Variants in NCOA6 observed in about 807,000 individuals in gnomAD.
NCOA6 encodes nuclear receptor coactivator 6, also known as NRC RAP250.
A neutral mutation model predicts 171.4 loss-of-function variants in NCOA6; 49 were observed. The ratio of observed to expected loss-of-function variants is 0.29; its 90% CI spans 0.23 to 0.36. NCOA6 has a LOEUF of 0.36. Ranked by LOEUF, NCOA6 falls within the 10% of genes least tolerant of loss-of-function variation. The pLI is 1.00. For missense variants in NCOA6, 2,248 were observed against 2,554.5 expected (o/e 0.88, Z 2.59); for synonymous variants, 910 against 927.5 (o/e 0.98, Z 0.34).
intron 1 of NCOA6, among the ~76,000 whole-genome samples, 178 bp downstream of exon 1, chr20:34,825,294 G>T (rs1230914670): frequency 6.6e-6 from 1 of 151,410 alleles, no homozygotes; most frequent in African/African-American, 2.4e-5. Flanking sequence ...GGGGACACAA[G>T]CGCGGCGGGC....
chr20:34,719,616 C>A (rs1371256210), intron 14 of NCOA6, among the ~76,000 whole-genome samples: 1 of 151,170 alleles, frequency 6.6e-6, no homozygotes, highest in Non-Finnish European at 1.5e-5. Flanking sequence ...GGGCGACAAT[C>A]CGAGACTGTC....
At chr20:34,761,805 GCCA>G (rs2076827437) in intron 5 of NCOA6, among the ~76,000 whole-genome samples, 1 of 151,946 alleles carries the variant, frequency 6.6e-6, no homozygotes, top group Non-Finnish European at 1.5e-5. Context: ...ACAGGCACAC[GCCA>G]CCATGCCTGG....
intron 3 of NCOA6, among the ~76,000 whole-genome samples, chr20:34,778,958 C>CAAAAA (rs57631874): frequency 1.5e-4 from 7 of 46,492 alleles, no homozygotes; most frequent in East Asian, 9.7e-4. Context: ...GACTCCGTTT[C>CAAAAA]AAAAAAAAAA....
Position 34,743,045 on chromosome 20 carries a change from G to C in NCOA6, c.3211C>G (p.Gln1071Glu), listed in dbSNP as rs377178757. The C allele has an allele frequency of 9.2e-5, 148 of 1,613,744 alleles. No homozygotes were observed. The highest frequency in any genetic ancestry group is 1.2e-4 in the Non-Finnish European group (141 of 1,179,788). The stretch of plus-strand genomic sequence containing the variant: ...ATGACAGGCACACTGCCACTCTGTT[G>C]CATGGGCATTCTCTGGGAGTCGGGG... ...LNPDSQRMPM[Q>E]QSGSVPVMVS... is the part of the protein sequence containing the mutation. The change falls in exon 11 of 15, where the codon CAA becomes GAA. Residue 1071 changes from glutamine (Q) to glutamate (E), a missense_variant. This residue lies in a region of NCOA6 where 352 missense variants were observed against 419.1 expected (regional missense o/e 0.84). Coordinates refer to ENST00000359003, the MANE Select transcript of NCOA6 (RefSeq NM_014071.5).
At chr20:34,758,618 A>G (rs945132350) in intron 6 of NCOA6, among the ~76,000 whole-genome samples, 187 bp downstream of exon 6, 1 of 152,244 alleles carries the variant, frequency 6.6e-6, no homozygotes. Flanking sequence ...AATTGATAAG[A>G]AAACAATGAG....
Position 34,742,207 on chromosome 20 carries a change from T to A in NCOA6, c.4049A>T (p.Lys1350Ile). The A allele has an allele frequency of 1.2e-6, 2 of 1,614,170 alleles. No homozygotes were observed. The highest frequency in any genetic ancestry group is 8.5e-7 in the Non-Finnish European group (1 of 1,180,030). ...TTPSPGRQNS[K>I]APKLTLASQT... The stretch of plus-strand genomic sequence containing the variant: ...AGAGGCCAGAGTAAGTTTAGGGGCT[T>A]TTGAATTTTGCCTCCCAGGGCTTGG... Residue 1350 changes from lysine to isoleucine, a missense_variant, in exon 11 of 15, where the codon AAA becomes ATA. Physicochemically the swap from Lys to Ile is moderately radical, Grantham distance 102. Transcript: ENST00000359003.
intron 14 of NCOA6, among the ~76,000 whole-genome samples, chr20:34,715,702 C>T (rs1988470002): frequency 6.6e-6 from 1 of 152,138 alleles, no homozygotes; most frequent in Non-Finnish European, 1.5e-5. Flanking sequence ...GTGTAATAGA[C>T]AGACTGACAA....
intron 2 of NCOA6, among the ~76,000 whole-genome samples, chr20:34,787,047 G>C (rs1158147502): frequency 1.3e-5 from 2 of 150,862 alleles, no homozygotes; most frequent in Non-Finnish European, 2.9e-5. Context: ...TACAGAATGG[G>C]ACAAAATTTT....
Position 34,743,084 on chromosome 20 carries a change from T to C in NCOA6, c.3172A>G (p.Arg1058Gly), listed in dbSNP as rs557799781. 2.0e-5 allele frequency: 32 copies of C among 1,613,462 alleles called. No homozygotes were observed. The African/African-American group carries it at 3.7e-4, about 19-fold the overall frequency. The stretch of plus-strand genomic sequence containing the variant: ...TGGGAGTCGGGGTTCAGGGGGCCCC[T>C]TGGAGGATGGACATTTTGAGAGACT... ...LPVSQNVHPP[R>G]GPLNPDSQRM... Residue 1058 changes from arginine (R) to glycine (G), a missense_variant, in exon 11 of 15, where the codon AGG becomes GGG. Physicochemically the swap from Arg to Gly is moderately radical, Grantham distance 125. This residue lies in a region of NCOA6 where 352 missense variants were observed against 419.1 expected (regional missense o/e 0.84). Coordinates refer to ENST00000359003, the MANE Select transcript of NCOA6 (RefSeq NM_014071.5).
intron 8 of NCOA6, among the ~76,000 whole-genome samples, chr20:34,751,376 CAA>C (rs35848122): frequency 4.7e-4 from 32 of 68,250 alleles, no homozygotes; most frequent in African/African-American, 1.4e-3. Context: ...GACTCCGTCT[CAA>C]AAAAAAAAAA....
At chr20:34,810,835 T>C (rs531762345) in intron 1 of NCOA6, among the ~76,000 whole-genome samples, 26 of 152,260 alleles carry the variant, frequency 1.7e-4, no homozygotes, top group African/African-American at 6.0e-4. Context: ...TGAGCCACCG[T>C]GCCCGGACTC....
chr20:34,808,910 A>G (rs769231771), intron 1 of NCOA6, among the ~76,000 whole-genome samples: 7 of 152,212 alleles, frequency 4.6e-5, no homozygotes, highest in Admixed American at 3.3e-4. Context: ...TCACTGAGCT[A>G]AAGTTTTATC....
chr20:34,782,127 G>A lies in NCOA6; in HGVS notation c.229C>T (p.His77Tyr), dbSNP rs745862466. Residue 77 changes from histidine to tyrosine, a missense_variant, in exon 3 of 15, where the codon CAC becomes TAC. Around this residue, in one of 7 missense-constraint regions of NCOA6, gnomAD observed 987 missense variants for 1,104.7 expected, o/e 0.89. Coordinates refer to ENST00000359003, the MANE Select transcript of NCOA6 (RefSeq NM_014071.5). ...AILKNVPNLL[H>Y]MESSKLKVQK... ...AATAATTAAAGCAAATTACCCATGT[G>A]TAACAAATTGGGCACGTTTTTCAAT... The A allele has an allele frequency of 6.3e-7, 1 of 1,580,348 alleles. No homozygotes were observed. Among genetic ancestry groups the A allele is most frequent in the Non-Finnish European group, 8.6e-7 (1 of 1,156,926 alleles).
At position 34,817,161 on chromosome 20, in the gene NCOA6, ATGT is replaced by A. The variant is rs1568902068; in HGVS notation, c.-164+8308_-164+8310del. Among the ~76,000 whole-genome samples, 1,217 of 125,360 alleles carry A rather than the reference ATGT, an allele frequency of 9.7e-3. 256 individuals carry two copies. Among genetic ancestry groups the A allele is most frequent in the Middle Eastern group, 0.013 (3 of 226 alleles). 82.2% of individuals were successfully genotyped at this position (125,360 alleles called of 152,430 possible). ...AAAGCAAAAGCAAAAGCAAAAGAAAATGTATATAAATGGGTACTACGGAACTGA... is the reference window on the plus strand; with the variant it reads ...AAAGCAAAAGCAAAAGCAAAAGAAAAATATAAATGGGTACTACGGAACTGA... On this transcript the variant is annotated intron_variant, in intron 1 of 14. Transcript: ENST00000359003.
intron 1 of NCOA6, among the ~76,000 whole-genome samples, chr20:34,794,910 C>T (rs1477245931): frequency 6.6e-6 from 1 of 152,002 alleles, no homozygotes; most frequent in African/African-American, 2.4e-5. Context: ...CCAGCAATAA[C>T]TCAGAGAGTG....
intron 5 of NCOA6, among the ~76,000 whole-genome samples, chr20:34,765,799 C>T (rs2076965884): frequency 6.6e-6 from 1 of 152,026 alleles, no homozygotes; most frequent in Non-Finnish European, 1.5e-5. Flanking sequence ...AGTTGAGAAA[C>T]TTGAATTAAA....
intron 2 of NCOA6, among the ~76,000 whole-genome samples, chr20:34,785,514 C>T (rs1268448705): frequency 6.6e-6 from 1 of 151,000 alleles, no homozygotes; most frequent in Non-Finnish European, 1.5e-5. Flanking sequence ...TATTTGATTG[C>T]CATCTGCATT....
intron 14 of NCOA6, among the ~76,000 whole-genome samples, chr20:34,720,138 T>A (rs1163225475): frequency 6.6e-6 from 1 of 152,206 alleles, no homozygotes; most frequent in Non-Finnish European, 1.5e-5. Context: ...AATAATTACC[T>A]TTTTCCCAGT....
intron 5 of NCOA6, among the ~76,000 whole-genome samples, chr20:34,762,961 G>A (rs2145888880): frequency 6.6e-6 from 1 of 152,288 alleles, no homozygotes; most frequent in South Asian, 2.1e-4. Context: ...GGCCTCCAAT[G>A]CTGCTGTTGA....
Sources: gnomAD v4.1 joint callset for allele counts (sites outside exome capture counted in the v4.1 genomes callset) on GRCh38, gnomAD v4.1.1 for gene constraint, gnomAD v4.1.1 regional missense constraint, MANE v1.5 for transcripts, NCBI Gene and HGNC (gene_info 2026-07-23, HGNC 2026-07-21) for gene names.